GPHN: variants seen among roughly 807,000 people sequenced by gnomAD.
The protein encoded by GPHN is gephyrin.
In GPHN, 17 loss-of-function variants were observed where a neutral mutation model predicts 95.5. The ratio of observed to expected loss-of-function variants is 0.18; its 90% confidence interval spans 0.12 to 0.27. GPHN has a LOEUF of 0.27. GPHN is among the 10% of genes least tolerant of loss of function. GPHN has a pLI of 1.00. For missense variants in GPHN, 660 were observed against 978.1 expected, an observed-to-expected ratio of 0.67 and a Z score of 4.34; for synonymous variants, 320 against 322.5, an observed-to-expected ratio of 0.99 and a Z score of 0.08.
At chr14:67,186,615 A>G (rs930808009), downstream of GPHN, among the ~76,000 whole-genome samples, 3 of 152,176 alleles carry the variant, frequency 2.0e-5, no homozygotes, top group Non-Finnish European at 4.4e-5. Context: ...GGCGCTGCCC[A>G]GTTGCTGATT....
At chr14:66,605,138 C>T (rs1332668236) in intron 1 of GPHN, among the ~76,000 whole-genome samples, 5 of 151,994 alleles carry the variant, frequency 3.3e-5, no homozygotes, top group East Asian at 1.9e-4. Context: ...TCTTTGCGAT[C>T]GTGAATAGTG....
chr14:67,553,159 G>A, the GPHN span, among the ~76,000 whole-genome samples: 12 of 152,168 alleles, frequency 7.9e-5, no homozygotes, highest in Middle Eastern at 3.2e-3. Context: ...TCAGCCAATC[G>A]TTTCAGAATG....
chr14:67,379,775 C>T, the GPHN span, among the ~76,000 whole-genome samples: 1 of 144,746 alleles, frequency 6.9e-6, no homozygotes, highest in African/African-American at 2.7e-5. Flanking sequence ...CTGCCTCAGC[C>T]TCCCAAATAG....
At chr14:67,646,599 G>C in the GPHN span, 1 of 1,469,926 alleles carries the variant, frequency 6.8e-7, no homozygotes, top group South Asian at 1.2e-5. Flanking sequence ...ATCTTGGTGA[G>C]AACAAGAATT....
chr14:66,531,200 C>T (rs1011411906), intron 1 of GPHN, among the ~76,000 whole-genome samples: 1 of 152,154 alleles, frequency 6.6e-6, no homozygotes, highest in African/African-American at 2.4e-5. Context: ...CCCGCCTTAG[C>T]CCCCCAAAGT....
At chr14:67,103,446 G>A (rs1036634145) in intron 13 of GPHN, among the ~76,000 whole-genome samples, 8 of 148,092 alleles carry the variant, frequency 5.4e-5, no homozygotes, top group South Asian at 2.1e-4. Flanking sequence ...CGCTTTTTTC[G>A]TAGTATGGTC....
the GPHN span, among the ~76,000 whole-genome samples, chr14:67,628,702 G>A: frequency 6.6e-6 from 1 of 152,128 alleles, no homozygotes. Context: ...TCAGCCATTA[G>A]GATGGCTACT....
At chr14:66,674,062 A>G (rs2066448673) in intron 1 of GPHN, among the ~76,000 whole-genome samples, 1 of 151,696 alleles carries the variant, frequency 6.6e-6, no homozygotes, top group South Asian at 2.1e-4. Context: ...TATTTATACT[A>G]CAGTGCTGTA....
At chr14:66,704,319 T>C (rs956199427) in intron 2 of GPHN, among the ~76,000 whole-genome samples, 2 of 151,964 alleles carry the variant, frequency 1.3e-5, no homozygotes, top group Admixed American at 1.3e-4. Flanking sequence ...ATGGACCTAA[T>C]AGACATCTAC....
At chr14:66,642,787 C>G (rs2064497798) in intron 1 of GPHN, among the ~76,000 whole-genome samples, 1 of 151,790 alleles carries the variant, frequency 6.6e-6, no homozygotes, top group South Asian at 2.1e-4. Context: ...AATTTTATTT[C>G]AATTCAATAT....
the GPHN span, among the ~76,000 whole-genome samples, chr14:67,482,901 A>C: frequency 1.3e-5 from 2 of 152,182 alleles, no homozygotes; most frequent in Non-Finnish European, 2.9e-5. Flanking sequence ...TCACAGTAAT[A>C]ATAATAACCA....
chr14:66,691,085 T>C (rs916068042), intron 2 of GPHN, among the ~76,000 whole-genome samples: 112 of 152,136 alleles, frequency 7.4e-4, no homozygotes, highest in African/African-American at 2.6e-3. Context: ...CTCACACCTA[T>C]AATCCTGGCA....
chr14:66,738,733 TC>T (rs1334187713), intron 2 of GPHN, among the ~76,000 whole-genome samples: 9 of 152,172 alleles, frequency 5.9e-5, no homozygotes, highest in African/African-American at 2.2e-4. Context: ...ATGTATTTAT[TC>T]CCATAATAAA....
At chr14:66,619,507 ATG>A (rs1350713693) in intron 1 of GPHN, among the ~76,000 whole-genome samples, 1 of 146,376 alleles carries the variant, frequency 6.8e-6, no homozygotes, top group African/African-American at 2.6e-5. Context: ...TTTTTACCAT[ATG>A]TATATCTTTT....
At chr14:66,652,525 G>GT (rs3033900) in intron 1 of GPHN, among the ~76,000 whole-genome samples, 11,478 of 149,690 alleles carry the variant, frequency 0.077, 543 homozygotes, top group Middle Eastern at 0.11. Flanking sequence ...TTTTTTGTGG[G>GT]TTTTTTTTTC....
At chr14:67,348,076 ATT>A in the GPHN span, among the ~76,000 whole-genome samples, 1 of 140,122 alleles carries the variant, frequency 7.1e-6, no homozygotes, top group Non-Finnish European at 1.6e-5. Context: ...TGCCCAGCTA[ATT>A]TTTTTTTTTT....
chr14:67,040,211 G>C (rs1328703781), intron 10 of GPHN, among the ~76,000 whole-genome samples: 2 of 152,022 alleles, frequency 1.3e-5, no homozygotes, highest in Non-Finnish European at 2.9e-5. Flanking sequence ...TACAAGAATA[G>C]TATAGAGAAT....
chr14:67,679,176 A>G, the GPHN span, among the ~76,000 whole-genome samples: 1 of 152,216 alleles, frequency 6.6e-6, no homozygotes, highest in Non-Finnish European at 1.5e-5. Flanking sequence ...GACACAAGTC[A>G]TCCTTTAATA....
At chr14:66,996,026 G>T in intron 9 of GPHN, 1 of 547,514 alleles carries the variant, frequency 1.8e-6, no homozygotes, top group Non-Finnish European at 3.3e-6. Flanking sequence ...CTTGAGTCTT[G>T]ACATGTTTTC....
Sources: allele counts gnomAD v4.1 joint callset (sites outside exome capture counted in the v4.1 genomes callset), GRCh38; gene constraint gnomAD v4.1.1; transcripts MANE v1.5; gene names NCBI Gene and HGNC (gene_info 2026-07-23, HGNC 2026-07-21).